WDR76: variants seen among roughly 807,000 people sequenced by gnomAD.
WDR76 encodes the protein WD repeat-containing protein 76.
Under a neutral mutation model 70.2 loss-of-function variants are expected in WDR76, and 52 were observed. The observed-to-expected ratio is 0.74, with a 90% CI of 0.59 to 0.93. WDR76 has a LOEUF of 0.93. WDR76 is among the 40% of genes least tolerant of loss of function. The pLI is 0.00. For synonymous variants in WDR76, 292 were observed against 271.1 expected, an observed-to-expected ratio of 1.08 and a Z score of -0.76; for missense variants, 756 against 760.2, an observed-to-expected ratio of 0.99 and a Z score of 0.07.
At chr15:43,851,063 C>G in intron 8 of WDR76, 24 bp from the exon 9 acceptor site, 1 of 1,609,206 alleles carries the variant, frequency 6.2e-7, no homozygotes, top group Non-Finnish European at 8.5e-7. Flanking sequence ...TTTCTCTCTC[C>G]CCTTTCCCGC....
intron 5 of WDR76, among the ~76,000 whole-genome samples, chr15:43,842,131 G>T (rs554072448): frequency 6.6e-6 from 1 of 152,170 alleles, no homozygotes; most frequent in African/African-American, 2.4e-5. Context: ...CTGCCAAAGT[G>T]CTGGGATTAC....
chr15:43,856,321 A>G (rs1384830390), intron 9 of WDR76, among the ~76,000 whole-genome samples: 1 of 143,196 alleles, frequency 7.0e-6, no homozygotes, highest in Admixed American at 6.9e-5. Flanking sequence ...AGCCTGATTA[A>G]CTGTCAAAAA....
intron 9 of WDR76, among the ~76,000 whole-genome samples, chr15:43,852,307 C>T (rs1000109411): frequency 6.6e-5 from 10 of 152,178 alleles, no homozygotes; most frequent in Non-Finnish European, 1.2e-4. Context: ...CCTCAGCCTC[C>T]TGAGTAGCAG....
chr15:43,848,698 T>G (rs573481380), intron 8 of WDR76, among the ~76,000 whole-genome samples: 1 of 152,090 alleles, frequency 6.6e-6, no homozygotes, highest in African/African-American at 2.4e-5. Context: ...CCCAACACTT[T>G]GGGAGGCTGA....
chr15:43,847,539 G>A (rs1012700770), intron 8 of WDR76, among the ~76,000 whole-genome samples: 2 of 152,044 alleles, frequency 1.3e-5, no homozygotes, highest in African/African-American at 4.8e-5. Context: ...CTCTGCCTCA[G>A]CCTCCCAAGT....
Position 43,861,320 on chromosome 15 carries a change from C to A in WDR76, c.1563-13C>A, listed in dbSNP as rs1055914206. 2 of 1,599,926 alleles carry A rather than the reference C, an allele frequency of 1.3e-6. No homozygotes were observed. The highest frequency in any genetic ancestry group is 2.7e-5 in the African/African-American group (2 of 74,850). On this transcript the variant is annotated splice_polypyrimidine_tract_variant and intron_variant, in intron 11 of 12. Transcript: ENST00000263795. ...AAGTAACAAAAGAATGTCTTACTCT[C>A]TTTATTTTGCAGAATTTTTGACAGC...
Position 43,866,107 on chromosome 15 carries a change from AT to A in WDR76, c.1617-20del. On this transcript the variant is annotated intron_variant, in intron 12 of 12. Transcript: ENST00000263795. The stretch of plus-strand genomic sequence containing the variant: ...TATTTAACCTTACTTCATTTAAAAA[AT>A]ATATTGTTTTCCTCACTAGGCACAA... 3.7e-6 allele frequency: 6 copies of A among 1,611,230 alleles called. No individual in the cohort carries two copies. Among genetic ancestry groups the A allele is most frequent in the Non-Finnish European group, 5.1e-6 (6 of 1,177,712 alleles).
chr15:43,837,906 C>G (rs867870957), intron 4 of WDR76, among the ~76,000 whole-genome samples: 2 of 146,142 alleles, frequency 1.4e-5, no homozygotes, highest in Non-Finnish European at 1.5e-5. Context: ...GATGGAGTCT[C>G]GCTCTGTTGC....
intron 2 of WDR76, among the ~76,000 whole-genome samples, chr15:43,830,448 GCT>G (rs1296719375): frequency 6.6e-6 from 1 of 151,692 alleles, no homozygotes; most frequent in Non-Finnish European, 1.5e-5. Context: ...TGTAATCCCA[GCT>G]ACTAGGGAGG....
chr15:43,828,414 T>A (rs1463404404), intron 2 of WDR76, 48 bp downstream of exon 2: 2 of 1,529,528 alleles, frequency 1.3e-6, no homozygotes, highest in African/African-American at 2.8e-5. Context: ...TTTTGAAATT[T>A]GAAGTTCTGA....
intron 5 of WDR76, among the ~76,000 whole-genome samples, chr15:43,841,660 A>C (rs1272118977): frequency 6.6e-6 from 1 of 151,992 alleles, no homozygotes; most frequent in Admixed American, 6.6e-5. Flanking sequence ...TTCTATTCTC[A>C]TTCACTACAA....
intron 12 of WDR76, among the ~76,000 whole-genome samples, chr15:43,862,499 T>G (rs1210078128): frequency 1.4e-5 from 2 of 146,450 alleles, no homozygotes; most frequent in Non-Finnish European, 3.0e-5. Flanking sequence ...TGTTTTTTTT[T>G]TTGTTTTTTG....
At chr15:43,842,563 A>AAT (rs752130860) in intron 6 of WDR76, 47 bp downstream of exon 6, 77 of 1,586,060 alleles carry the variant, frequency 4.9e-5, no homozygotes, top group Middle Eastern at 3.4e-4. Context: ...CTGTTAAGGA[A>AAT]ATATATATAT....
Position 43,843,997 on chromosome 15 carries a change from A to C in WDR76, c.975A>C (p.Glu325Asp). The C allele has an allele frequency of 6.2e-7, 1 of 1,613,966 alleles. No individual in the cohort carries two copies. The highest frequency in any genetic ancestry group is 8.5e-7 in the Non-Finnish European group (1 of 1,179,936). ...TCTCTATGGCTCTCCATCCATCAGA[A>C]ACTAGAACTTTGGTAGCAGTTGGGG... is the stretch of plus-strand genomic sequence containing the variant. ...PIFSMALHPSETRTLVAVGAK... is the reference protein window; with the variant it reads ...PIFSMALHPSDTRTLVAVGAK... Residue 325 changes from glutamate to aspartate, a missense_variant, in exon 8 of 13, where the codon GAA (glutamate) becomes GAC (aspartate). Coordinates refer to ENST00000263795, the MANE Select transcript of WDR76 (RefSeq NM_024908.4).
rs777213063 is a variant in WDR76, at chr15:43,842,592, A to G, written c.835-36A>G. 5 of 1,601,772 alleles carry G rather than the reference A, an allele frequency of 3.1e-6. No homozygotes were observed. In the African/African-American group the frequency reaches 6.7e-5, roughly 22 times the overall value. Reference sequence around the variant, plus strand: ...TATATATATGTAAAAATATATACATACTAACTTAGTTCTTTCATCTCTCCC... The same window carrying G: ...TATATATATGTAAAAATATATACATGCTAACTTAGTTCTTTCATCTCTCCC... On this transcript the variant is annotated intron_variant, in intron 6 of 12. Transcript: ENST00000263795.
intron 9 of WDR76, among the ~76,000 whole-genome samples, chr15:43,854,534 C>T (rs1433070139): frequency 2.0e-5 from 3 of 152,120 alleles, no homozygotes; most frequent in Non-Finnish European, 2.9e-5. Context: ...TGCATCACTG[C>T]GCTCCAGTCT....
intron 12 of WDR76, among the ~76,000 whole-genome samples, chr15:43,861,870 T>C (rs1360738781): frequency 6.9e-6 from 1 of 144,204 alleles, no homozygotes; most frequent in African/African-American, 2.5e-5. Context: ...GGAGTGTCAC[T>C]CTGTTGCCTA....
intron 3 of WDR76, among the ~76,000 whole-genome samples, 178 bp downstream of exon 3, chr15:43,835,328 A>G (rs953726070): frequency 9.5e-6 from 1 of 105,628 alleles, no homozygotes; most frequent in African/African-American, 3.7e-5. Flanking sequence ...CCCAATCTCT[A>G]TAAAAAGTAA....
intron 9 of WDR76, 60 bp downstream of exon 9, chr15:43,851,305 C>T (rs190048211): frequency 3.2e-6 from 5 of 1,582,422 alleles, no homozygotes; most frequent in African/African-American, 2.7e-5. Flanking sequence ...TTCGAAATGC[C>T]ACATGAATAA....
Sources: allele counts gnomAD v4.1 joint callset (sites outside exome capture counted in the v4.1 genomes callset), GRCh38; gene constraint gnomAD v4.1.1; transcripts MANE v1.5; gene names NCBI Gene and HGNC (gene_info 2026-07-23, HGNC 2026-07-21).